Variants in PLCD1 observed in about 807,000 individuals in gnomAD.
PLCD1 encodes 1-phosphatidylinositol 4,5-bisphosphate phosphodiesterase delta-1.
PLCD1 carries 71 observed loss-of-function variants against 87.4 expected under a neutral mutation model. The observed-to-expected ratio is 0.81, with a 90% CI of 0.67 to 0.99. The LOEUF is 0.99. Among genes scored for constraint, PLCD1 ranks in the 50% least tolerant of loss-of-function variants. PLCD1 has a pLI of 0.00. For missense variants in PLCD1, 867 were observed against 1,001.5 expected (o/e 0.87, Z 1.81); for synonymous variants, 348 against 399.2 (o/e 0.87, Z 1.53).
intron 5 of PLCD1, among the ~76,000 whole-genome samples, chr3:38,010,801 G>A (rs1203336453): frequency 6.6e-6 from 1 of 152,074 alleles, no homozygotes; most frequent in Admixed American, 6.5e-5. Flanking sequence ...CTGAGGACAG[G>A]GTGTCATCTC....
intron 2 of PLCD1, among the ~76,000 whole-genome samples, chr3:38,019,248 C>T (rs1227319276): frequency 2.0e-5 from 3 of 152,192 alleles, no homozygotes. Flanking sequence ...CTGCAATGAT[C>T]TATATGCACT....
At position 38,016,728 on chromosome 3, in the gene PLCD1, G is replaced by A; in HGVS notation, c.200-9C>T. ...AATGTCCTCGATGGAGACTGCGAGA[G>A]GGGGATGGTGGAGGAGAGAGGGAGA... On this transcript the variant is annotated splice_polypyrimidine_tract_variant and intron_variant, in intron 2 of 14. Transcript: ENST00000334661. 6.5e-7 allele frequency: 1 copy of A among 1,531,820 alleles called. No homozygotes were observed. 94.9% of individuals were successfully genotyped at this position (1,531,820 alleles called of 1,614,324 possible). A position where few individuals can be genotyped will look rare whatever the true frequency, so the allele number is the denominator to read the frequency against.
At position 38,016,480 on chromosome 3, in the gene PLCD1, C is replaced by T. The variant is rs541870305; in HGVS notation, c.428+11G>A. 3.1e-6 allele frequency: 5 copies of T among 1,597,106 alleles called. No individual in the cohort carries two copies. The African/African-American group carries it at 5.4e-5, about 17-fold the overall frequency. On this transcript the variant is annotated intron_variant, in intron 3 of 14. Transcript: ENST00000334661. ...AAGCCAGGCCTGGACCCACTGCCAC[C>T]AAAAGGATACTGCTGTAGCTTCTGA...
chr3:38,023,072 G>A (rs990015724), intron 1 of PLCD1, among the ~76,000 whole-genome samples: 26 of 152,266 alleles, frequency 1.7e-4, no homozygotes, highest in African/African-American at 5.8e-4. Context: ...GCACAGTGAG[G>A]TGGCCATGTG....
At position 38,009,743 on chromosome 3, in the gene PLCD1, AC is replaced by A; in HGVS notation, c.1355del (p.Gly452ValfsTer22). On this transcript the variant is annotated frameshift_variant, in exon 9 of 15. Coordinates refer to ENST00000334661, the MANE Select transcript of PLCD1 (RefSeq NM_006225.4). LOFTEE classifies it high-confidence loss of function. ...CTGACACCACAGTGGCCTCAGGGCC[AC>A]CCTCCCCTCCAGGGGGCAGGAGCCC... ...LGGLLPPGGE[G>X]GPEATVVSDE... The A allele has an allele frequency of 6.2e-7, 1 of 1,610,764 alleles. No homozygotes were observed. The highest frequency in any genetic ancestry group is 8.5e-7 in the Non-Finnish European group (1 of 1,179,210).
chr3:38,012,389 G>A (rs753693986), intron 3 of PLCD1, among the ~76,000 whole-genome samples: 17 of 151,966 alleles, frequency 1.1e-4, no homozygotes, highest in Non-Finnish European at 2.4e-4. Context: ...TTCAGCACAC[G>A]AATCTCGTGC....
intron 1 of PLCD1, chr3:38,024,375 C>G: frequency 1.2e-6 from 2 of 1,612,960 alleles, no homozygotes; most frequent in Non-Finnish European, 1.7e-6. Flanking sequence ...CTTAAGGCTC[C>G]GCTCCTGCAG....
Position 38,017,508 on chromosome 3 carries a change from C to A in PLCD1, c.200-789G>T, listed in dbSNP as rs1700176223. 6.6e-6 allele frequency among the ~76,000 whole-genome samples: 1 copy of A among 152,130 alleles called. No individual in the cohort carries two copies. The highest frequency in any genetic ancestry group is 1.5e-5 in the Non-Finnish European group (1 of 68,002). Reference sequence around the variant, plus strand: ...GCCCTTAGGGGAGCCAAGGGGAGGGCCCTCCCCTCACACCCAGCCTTCCAA... The same window carrying A: ...GCCCTTAGGGGAGCCAAGGGGAGGGACCTCCCCTCACACCCAGCCTTCCAA... On this transcript the variant is annotated intron_variant, in intron 2 of 14. Transcript: ENST00000334661. The surrounding 1 kb of genome is among the most constrained non-coding windows in gnomAD (Gnocchi z 4.7).
Position 38,009,382 on chromosome 3 carries a change from C to G in PLCD1, c.1496G>C (p.Cys499Ser), listed in dbSNP as rs573596122. The G allele has an allele frequency of 1.0e-4, 162 of 1,614,010 alleles. No homozygotes were observed. The highest frequency in any genetic ancestry group is 3.3e-4 in the Middle Eastern group (2 of 6,084). The change falls in exon 10 of 15, where the codon TGC becomes TCC. Residue 499 changes from cysteine (C) to serine (S), a missense_variant. Transcript: ENST00000334661. Reference protein sequence around the residue: ...AQELSDMVIYCKSVHFGGFSS... With the variant: ...AQELSDMVIYSKSVHFGGFSS... ...GAAGCCCCCAAAGTGGACACTCTTG[C>G]AGTAAATGACCATGTCAGAGAGCTC... is the stretch of plus-strand genomic sequence containing the variant.
In PLCD1 at chr3:38,024,506, A is replaced by T. The variant is rs780971337; in HGVS notation, c.35-4154T>A. 1.9e-6 allele frequency: 3 copies of T among 1,546,054 alleles called. No homozygotes were observed. In the Admixed American group the frequency reaches 5.8e-5, roughly 30 times the overall value. Reference sequence around the variant, plus strand: ...GCCGCCTCCAGTGTTTTATGCTCACAACACCCTCTGCTCTGGTCCGGGGGG... The same window carrying T: ...GCCGCCTCCAGTGTTTTATGCTCACTACACCCTCTGCTCTGGTCCGGGGGG... On this transcript the variant is annotated intron_variant, in intron 1 of 14. Coordinates refer to ENST00000334661, the MANE Select transcript of PLCD1 (RefSeq NM_006225.4).
rs888315487 is a variant in PLCD1, at chr3:38,017,772, C to T, written c.200-1053G>A. ...CCCACCCACTCTGAGTGCCCAGGGG[C>T]CTCCTAGCCACCTGCAGGGCCCACA... On this transcript the variant is annotated intron_variant, in intron 2 of 14. Transcript: ENST00000334661. The surrounding 1 kb of genome is among the most constrained non-coding windows in gnomAD (Gnocchi z 4.7). 2.0e-5 allele frequency among the ~76,000 whole-genome samples: 3 copies of T among 152,194 alleles called. No individual in the cohort carries two copies. The East Asian group carries it at 5.8e-4, about 29-fold the overall frequency.
In PLCD1 at chr3:38,007,848, A is replaced by G; in HGVS notation, c.2196T>C (p.His732=). The G allele has an allele frequency of 6.2e-7, 1 of 1,614,136 alleles. No homozygotes were observed. Among genetic ancestry groups the G allele is most frequent in the Non-Finnish European group, 8.5e-7 (1 of 1,179,946 alleles). The change falls in exon 15 of 15, where the codon CAT becomes CAC. Residue 732 remains histidine, a synonymous_variant. Transcript: ENST00000334661. The part of the protein sequence containing the change: ...PLNSLKQGYR[H]VHLMSKNGDQ... ...CCCCGTTCTTAGACATGAGGTGGAC[A>G]TGGCGGTATCCTGGTGGGTGGACAG...
In PLCD1 at chr3:38,020,330, T is replaced by C. The variant is rs1305333836; in HGVS notation, c.57A>G (p.Leu19=). The part of the protein sequence containing the change: ...TLHGLQDDED[L]QALLKGSQLL... Reference sequence around the variant, plus strand: ...GCTGGCTGCCCTTCAGCAGCGCCTGTAGATCCTCATCATCCTGTAGGCCTG... The same window carrying C: ...GCTGGCTGCCCTTCAGCAGCGCCTGCAGATCCTCATCATCCTGTAGGCCTG... The change falls in exon 2 of 15, where the codon CTA becomes CTG. Residue 19 remains leucine, a synonymous_variant. Transcript: ENST00000334661. The C allele has an allele frequency of 1.2e-6, 2 of 1,614,042 alleles. No individual in the cohort carries two copies. Among genetic ancestry groups the C allele is most frequent in the South Asian group, 2.2e-5 (2 of 91,084 alleles).
chr3:38,008,412 GGGAA>G, intron 12 of PLCD1, 42 bp downstream of exon 12: 1 of 1,614,158 alleles, frequency 6.2e-7, no homozygotes, highest in Non-Finnish European at 8.5e-7. Context: ...AGTGGTAGCG[GGGAA>G]GGGAGGTCCG....
At chr3:38,024,609 C>A in intron 1 of PLCD1, 2 of 1,513,198 alleles carry the variant, frequency 1.3e-6, no homozygotes, top group Non-Finnish European at 1.8e-6. Flanking sequence ...AGAGGAGGGG[C>A]GCACTTCGGA....
At chr3:38,013,061 T>C (rs1264652099) in intron 3 of PLCD1, among the ~76,000 whole-genome samples, 1 of 151,970 alleles carries the variant, frequency 6.6e-6, no homozygotes, top group Non-Finnish European at 1.5e-5. Context: ...GGCTAATTTT[T>C]GTATTTTTTG....
chr3:38,013,745 A>AGACTGTCTGGC (rs1700117120), intron 3 of PLCD1, among the ~76,000 whole-genome samples: 1 of 152,232 alleles, frequency 6.6e-6, no homozygotes, highest in Non-Finnish European at 1.5e-5. Flanking sequence ...GAGACTGTCC[A>AGACTGTCTGGC]AGGTCAAGGC....
At chr3:38,029,149 T>C (rs1464554470) in intron 1 of PLCD1, among the ~76,000 whole-genome samples, 1 of 152,238 alleles carries the variant, frequency 6.6e-6, no homozygotes, top group Non-Finnish European at 1.5e-5. Context: ...CGTTCTTGGA[T>C]GCTGTTTCCT....
In PLCD1 at chr3:38,008,125, C is replaced by T. The variant is rs1299105240; in HGVS notation, c.2074G>A (p.Val692Ile). ...ATGAGGGCAAGGTCAGGCACAACTA[C>T]CTCAAACGCAAACTCCGTGTCCCAC... is the stretch of plus-strand genomic sequence containing the variant. ...PWWDTEFAFE[V>I]VVPDLALIRF... The change falls in exon 14 of 15, where the codon GTA becomes ATA. Residue 692 changes from valine (V) to isoleucine (I), a missense_variant. By Grantham distance (29) the Val-to-Ile change is conservative. Coordinates refer to ENST00000334661, the MANE Select transcript of PLCD1 (RefSeq NM_006225.4). 6.2e-7 allele frequency: 1 copy of T among 1,614,014 alleles called. No homozygotes were observed. Among genetic ancestry groups the T allele is most frequent in the Non-Finnish European group, 8.5e-7 (1 of 1,180,036 alleles).
Sources: allele counts gnomAD v4.1 joint callset (sites outside exome capture counted in the v4.1 genomes callset), GRCh38; gene constraint gnomAD v4.1.1; non-coding constraint Gnocchi (gnomAD v3.1); transcripts MANE v1.5; gene names NCBI Gene and HGNC (gene_info 2026-07-23, HGNC 2026-07-21).